ZFR: variants seen among roughly 807,000 people sequenced by gnomAD.
The protein encoded by ZFR is zinc finger RNA-binding protein.
In ZFR, 19 loss-of-function variants were observed where a neutral mutation model predicts 130.7. That is an observed-to-expected ratio of 0.15 (90% CI 0.10 to 0.21). The LOEUF is 0.21. Among genes scored for constraint, ZFR ranks in the 10% least tolerant of loss-of-function variants. The pLI, the probability that ZFR is intolerant of heterozygous loss-of-function variation, is 1.00. For synonymous variants in ZFR, 466 were observed against 456.9 expected, an observed-to-expected ratio of 1.02 and a Z score of -0.25; for missense variants, 872 against 1,321.5, an observed-to-expected ratio of 0.66 and a Z score of 5.27.
At chr5:32,395,468 T>G (rs1753281975) in intron 10 of ZFR, among the ~76,000 whole-genome samples, 164 bp from the exon 11 acceptor site, 1 of 152,144 alleles carries the variant, frequency 6.6e-6, no homozygotes, top group African/African-American at 2.4e-5. Flanking sequence ...GAGAAAAGAT[T>G]CAAAATACAT....
intron 5 of ZFR, among the ~76,000 whole-genome samples, chr5:32,414,681 T>C (rs1473997306): frequency 1.3e-5 from 2 of 152,134 alleles, no homozygotes; most frequent in African/African-American, 2.4e-5. Context: ...AACAATCCTG[T>C]AGAAAACTCG....
At chr5:32,443,585 C>T (rs1754520230) in intron 2 of ZFR, among the ~76,000 whole-genome samples, 1 of 152,284 alleles carries the variant, frequency 6.6e-6, no homozygotes, top group East Asian at 1.9e-4. Context: ...AATCTCTCTC[C>T]TTGCAGGAAA....
chr5:32,387,628 T>G lies in ZFR; in HGVS notation c.2420A>C (p.Asn807Thr). The G allele has an allele frequency of 6.2e-7, 1 of 1,613,732 alleles. No individual in the cohort carries two copies. The highest frequency in any genetic ancestry group is 8.5e-7 in the Non-Finnish European group (1 of 1,179,722). The change falls in exon 14 of 20, where the codon AAC (asparagine) becomes ACC (threonine). Residue 807 changes from asparagine to threonine, a missense_variant. Transcript: ENST00000265069. ...GLLLRGDRNV[N>T]LVLLCSEKPS... The stretch of plus-strand genomic sequence containing the variant: ...TTTCTCTGAGCACAGCAAAACAAGG[T>G]TGACATTTCTATCTCCTCGGAGAAG...
At chr5:32,373,049 A>G (rs1214392812) in intron 17 of ZFR, among the ~76,000 whole-genome samples, 1 of 152,200 alleles carries the variant, frequency 6.6e-6, no homozygotes, top group Non-Finnish European at 1.5e-5. Flanking sequence ...CATAAAAACT[A>G]AATTATTATT....
chr5:32,439,576 T>C (rs894972727), intron 2 of ZFR, among the ~76,000 whole-genome samples: 2 of 152,124 alleles, frequency 1.3e-5, no homozygotes, highest in Non-Finnish European at 2.9e-5. Context: ...GGTACAGCAA[T>C]AGTCAAAATC....
At chr5:32,364,688 G>A (rs755223243) in intron 17 of ZFR, 2 of 152,896 alleles carry the variant, frequency 1.3e-5, no homozygotes, top group African/African-American at 4.8e-5. Context: ...AGTAAGCTGA[G>A]ATTGCGCCAT....
At position 32,415,523 on chromosome 5, in the gene ZFR, C is replaced by CGCGCGCGCGT. The variant is rs1554073626; in HGVS notation, c.566-337_566-336insACGCGCGCGC. 4.9e-3 allele frequency among the ~76,000 whole-genome samples: 646 copies of CGCGCGCGCGT among 132,100 alleles called. 4 individuals are homozygous for CGCGCGCGCGT. The highest frequency in any genetic ancestry group is 0.022 in the East Asian group (99 of 4,584). 86.7% of individuals were successfully genotyped at this position (132,100 alleles called of 152,430 possible). Reference sequence around the variant, plus strand: ...GTGTGTGTGTGTGTGTGTGCGCGCGCGCGCGCGCGCACTAGTCAGTCTACT... The same window carrying CGCGCGCGCGT: ...GTGTGTGTGTGTGTGTGTGCGCGCGCGCGCGCGCGTGCGCGCGCGCACTAGTCAGTCTACT... On this transcript the variant is annotated intron_variant, in intron 4 of 19. Coordinates refer to ENST00000265069, the MANE Select transcript of ZFR (RefSeq NM_016107.5).
chr5:32,412,693 T>C (rs1371686858), intron 5 of ZFR, among the ~76,000 whole-genome samples: 1 of 152,240 alleles, frequency 6.6e-6, no homozygotes, highest in African/African-American at 2.4e-5. Flanking sequence ...TTCTGAAGAA[T>C]TCAGGGCAAA....
At chr5:32,364,113 A>G in intron 18 of ZFR, 51 bp downstream of exon 18, 1 of 1,597,498 alleles carries the variant, frequency 6.3e-7, no homozygotes, top group Non-Finnish European at 8.6e-7. Flanking sequence ...TTATTCAACC[A>G]GCAAATGAGT....
Position 32,395,152 on chromosome 5 carries a change from A to G in ZFR, c.1979+7T>C, listed in dbSNP as rs564521735. ...CTTACCAGGCTATTAAAAGTTAAAG[A>G]TATTACCTCATTTCCATTCTCCAAC... On this transcript the variant is annotated splice_region_variant and intron_variant, in intron 11 of 19. Transcript: ENST00000265069. The G allele has an allele frequency of 4.4e-6, 7 of 1,588,120 alleles. No homozygotes were observed. In the South Asian group the frequency reaches 4.6e-5, roughly 11 times the overall value.
Position 32,415,527 on chromosome 5 carries a change from C to T in ZFR, c.566-340G>A, listed in dbSNP as rs911247652. Among the ~76,000 whole-genome samples the T allele has an allele frequency of 4.3e-3, 622 of 144,904 alleles. 3 individuals are homozygous for T. Among genetic ancestry groups the T allele is most frequent in the African/African-American group, 0.016 (592 of 38,062 alleles). ...GTGTGTGTGTGTGTGCGCGCGCGCG[C>T]GCGCGCACTAGTCAGTCTACTTCAG... is the stretch of plus-strand genomic sequence containing the variant. On this transcript the variant is annotated intron_variant, in intron 4 of 19. Coordinates refer to ENST00000265069, the MANE Select transcript of ZFR (RefSeq NM_016107.5).
chr5:32,414,208 A>G (rs1753772538), intron 5 of ZFR, among the ~76,000 whole-genome samples: 1 of 152,204 alleles, frequency 6.6e-6, no homozygotes, highest in African/African-American at 2.4e-5. Flanking sequence ...CACTCCGTGC[A>G]TTCCTAATTC....
chr5:32,436,385 T>C (rs1255582954), intron 2 of ZFR, among the ~76,000 whole-genome samples: 1 of 151,936 alleles, frequency 6.6e-6, no homozygotes, highest in Non-Finnish European at 1.5e-5. Flanking sequence ...TCTCCTGACC[T>C]TGTGATCTGC....
chr5:32,415,214 AT>A (rs1253968203), intron 4 of ZFR, 27 bp from the exon 5 acceptor site: 29 of 1,600,616 alleles, frequency 1.8e-5, no homozygotes, highest in Non-Finnish European at 2.4e-5. Flanking sequence ...ACATCAGAAA[AT>A]TAGAAGAGTA....
intron 17 of ZFR, chr5:32,364,629 G>C (rs1478787938): frequency 6.4e-6 from 1 of 155,062 alleles, no homozygotes; most frequent in Non-Finnish European, 1.4e-5. Flanking sequence ...AGCTACTTGG[G>C]GGACTGAGGC....
chr5:32,377,104 C>T (rs1330382849), intron 17 of ZFR, among the ~76,000 whole-genome samples: 11 of 142,364 alleles, frequency 7.7e-5, no homozygotes, highest in East Asian at 2.3e-4. Flanking sequence ...TGCAGTGAGC[C>T]AAGATCGTGC....
intron 6 of ZFR, among the ~76,000 whole-genome samples, chr5:32,404,329 G>A (rs1753532355): frequency 6.6e-6 from 1 of 152,106 alleles, no homozygotes; most frequent in African/African-American, 2.4e-5. Context: ...TTCATATATA[G>A]CCATAATATA....
intron 15 of ZFR, among the ~76,000 whole-genome samples, chr5:32,385,237 GT>G (rs55806731): frequency 0.95 from 144,858 of 151,870 alleles, 69,147 homozygotes; most frequent in African/African-American, 0.98. Context: ...TAATTTTGAA[GT>G]TTTTTTTCCA....
chr5:32,413,238 CAAAAA>C (rs1360756343), intron 5 of ZFR, among the ~76,000 whole-genome samples: 1 of 149,510 alleles, frequency 6.7e-6, no homozygotes, highest in East Asian at 1.9e-4. Context: ...CAAAACAAAA[CAAAAA>C]AAACCTGATA....
Sources: allele counts gnomAD v4.1 joint callset (sites outside exome capture counted in the v4.1 genomes callset), GRCh38; gene constraint gnomAD v4.1.1; transcripts MANE v1.5; gene names NCBI Gene and HGNC (gene_info 2026-07-23, HGNC 2026-07-21).